TBCK: variants seen among roughly 807,000 people sequenced by gnomAD.
TBCK encodes the protein TBC domain-containing protein kinase-like protein.
A neutral mutation model predicts 113.4 loss-of-function variants in TBCK; 99 were observed. The ratio of observed to expected loss-of-function variants is 0.87; its 90% CI spans 0.74 to 1.03. The LOEUF (loss-of-function observed/expected upper bound fraction) is 1.03. TBCK is among the 50% of genes least tolerant of loss of function. The probability of loss-of-function intolerance (pLI) is 0.00; values close to 1 mark genes in which losing one functional copy is unlikely to be tolerated. For synonymous variants in TBCK, 369 were observed against 370.8 expected (o/e 1.00, Z 0.05); for missense variants, 1,045 against 1,061.3 (o/e 0.98, Z 0.21).
rs941293153 is a variant in TBCK, at chr4:106,088,729, C to T, written c.2571+6753G>A. 4.6e-5 allele frequency among the ~76,000 whole-genome samples: 7 copies of T among 152,096 alleles called. 1 individual carries two copies. The highest frequency in any genetic ancestry group is 6.5e-5 in the Admixed American group (1 of 15,274). On this transcript the variant is annotated intron_variant, in intron 25 of 25. Transcript: ENST00000394708. ...TGGAATAAAACTGGATAAAGAAAACCATGGAATACTATGAAGCCATAAAAA... is the reference window on the plus strand; with the variant it reads ...TGGAATAAAACTGGATAAAGAAAACTATGGAATACTATGAAGCCATAAAAA...
chr4:106,304,617 TA>T (rs1767312783), intron 2 of TBCK, among the ~76,000 whole-genome samples: 1 of 152,182 alleles, frequency 6.6e-6, no homozygotes, highest in African/African-American at 2.4e-5. Context: ...ATATTAATAT[TA>T]CTAACCTCAA....
chr4:106,147,125 A>C (rs866897957), intron 23 of TBCK, among the ~76,000 whole-genome samples: 1 of 152,318 alleles, frequency 6.6e-6, no homozygotes, highest in Middle Eastern at 3.4e-3. Context: ...CACATCTGCA[A>C]TCACTACCTC....
intron 11 of TBCK, among the ~76,000 whole-genome samples, chr4:106,244,043 A>C (rs1760474844): frequency 6.6e-6 from 1 of 152,156 alleles, no homozygotes; most frequent in South Asian, 2.1e-4. Context: ...TCATATTTTT[A>C]TGAATAAACA....
chr4:106,082,738 G>C lies in TBCK; in HGVS notation c.2571+12744C>G, dbSNP rs528793715. 5.9e-4 allele frequency among the ~76,000 whole-genome samples: 90 copies of C among 152,318 alleles called. 3 individuals carry two copies. Among genetic ancestry groups the C allele is most frequent in the Admixed American group, 1.7e-3 (26 of 15,302 alleles). On this transcript the variant is annotated intron_variant, in intron 25 of 25. Coordinates refer to ENST00000394708, the MANE Select transcript of TBCK (RefSeq NM_001163435.3). ...ATAGGAAAGAAACCATAATAAGCCT[G>C]TGAATCCTTCACTGGCAACCAAGGT...
chr4:106,045,038 GA>G lies in TBCK; in HGVS notation c.*1531del, dbSNP rs1384621392. The stretch of plus-strand genomic sequence containing the variant: ...GAGGCATTTTTTTTTTCAGATTTCT[GA>G]AATGGGAATGTATCTTTCTTTTTTT... On this transcript the variant is annotated 3_prime_UTR_variant, in exon 26 of 26. Transcript: ENST00000394708. The G allele has an allele frequency of 1.3e-5, 2 of 149,812 alleles. No homozygotes were observed. The highest frequency in any genetic ancestry group is 3.0e-5 in the Non-Finnish European group (2 of 67,568). 9.3% of individuals were successfully genotyped at this position (149,812 alleles called of 1,614,324 possible). A position where few individuals can be genotyped will look rare whatever the true frequency, so the allele number is the denominator to read the frequency against.
chr4:106,244,592 TA>T, intron 11 of TBCK, 33 bp downstream of exon 11: 6 of 1,486,112 alleles, frequency 4.0e-6, no homozygotes, highest in Non-Finnish European at 4.5e-6. Flanking sequence ...TGTATTTATT[TA>T]TTTAAATTCC....
chr4:106,204,114 C>G (rs1482841773), intron 20 of TBCK, among the ~76,000 whole-genome samples: 5 of 152,076 alleles, frequency 3.3e-5, no homozygotes, highest in Non-Finnish European at 7.4e-5. Flanking sequence ...AAGAACAATA[C>G]CCCTTAACAA....
intron 3 of TBCK, among the ~76,000 whole-genome samples, chr4:106,281,086 C>G (rs1185158513): frequency 6.6e-6 from 1 of 151,890 alleles, no homozygotes; most frequent in Non-Finnish European, 1.5e-5. Flanking sequence ...TTTGTATCCT[C>G]TTTATTTCAT....
At chr4:106,145,153 A>C (rs371910120) in intron 23 of TBCK, among the ~76,000 whole-genome samples, 1 of 152,008 alleles carries the variant, frequency 6.6e-6, no homozygotes, top group East Asian at 1.9e-4. Flanking sequence ...CCTCGTCTCT[A>C]CTAAAAAGAC....
At chr4:106,143,701 G>A (rs1579034066) in intron 23 of TBCK, among the ~76,000 whole-genome samples, 1 of 152,062 alleles carries the variant, frequency 6.6e-6, no homozygotes, top group East Asian at 1.9e-4. Context: ...GACCACCTGA[G>A]GTCAGGAGTT....
rs753822901 is a variant in TBCK, at chr4:106,247,187, T to C, written c.883A>G (p.Arg295Gly). The C allele has an allele frequency of 1.2e-5, 19 of 1,613,394 alleles. 1 individual carries two copies. The South Asian group carries it at 2.1e-4, about 18-fold the overall frequency. The change falls in exon 10 of 26, where the codon AGA becomes GGA. Residue 295 changes from arginine to glycine, a missense_variant. Physicochemically the swap from Arg to Gly is moderately radical, Grantham distance 125. Transcript: ENST00000394708. The part of the protein sequence containing the change: ...KPASLFSSSL[R>G]CADLTLPEDI... Reference sequence around the variant, plus strand: ...TCAGGCAGAGTTAAATCAGCACATCTCAGAGAAGATGAAAACAGACTGGCA... The same window carrying C: ...TCAGGCAGAGTTAAATCAGCACATCCCAGAGAAGATGAAAACAGACTGGCA...
intron 20 of TBCK, among the ~76,000 whole-genome samples, chr4:106,208,353 T>C (rs1281599981): frequency 6.6e-6 from 1 of 152,058 alleles, no homozygotes; most frequent in Non-Finnish European, 1.5e-5. Flanking sequence ...ATTTTACATA[T>C]ACCTACCCTT....
At chr4:106,260,358 T>C in intron 5 of TBCK, 79 bp downstream of exon 5, 1 of 556,300 alleles carries the variant, frequency 1.8e-6, no homozygotes. Context: ...GAATATCAAA[T>C]ATAATTAACA....
intron 23 of TBCK, among the ~76,000 whole-genome samples, chr4:106,134,162 A>G (rs1746292384): frequency 6.6e-6 from 1 of 152,166 alleles, no homozygotes; most frequent in Non-Finnish European, 1.5e-5. Context: ...GACAATGTAT[A>G]AAAGTAAAAC....
chr4:106,297,987 A>G (rs1766491220), intron 2 of TBCK, among the ~76,000 whole-genome samples: 2 of 152,204 alleles, frequency 1.3e-5, no homozygotes, highest in South Asian at 2.1e-4. Flanking sequence ...GTTAGCTTTT[A>G]TTATTACTCA....
At position 106,260,418 on chromosome 4, in the gene TBCK, G is replaced by C. The variant is rs758758978; in HGVS notation, c.455+19C>G. The C allele has an allele frequency of 1.5e-5, 16 of 1,096,056 alleles. No individual in the cohort carries two copies. The highest frequency in any genetic ancestry group is 1.0e-4 in the Admixed American group (3 of 29,052). The allele number at this position is 1,096,056 out of a possible 1,614,324, so 67.9% of individuals were successfully genotyped here. ...CAAAGTTAAAAAGAAACTCAAAATA[G>C]AGGAAAACATATCCTTACCCTATTG... On this transcript the variant is annotated intron_variant, in intron 5 of 25. Coordinates refer to ENST00000394708, the MANE Select transcript of TBCK (RefSeq NM_001163435.3).
intron 25 of TBCK, among the ~76,000 whole-genome samples, chr4:106,048,108 G>A (rs1734416727): frequency 1.3e-5 from 2 of 152,144 alleles, no homozygotes; most frequent in African/African-American, 4.8e-5. Flanking sequence ...TATTGATCTG[G>A]GGCTCAGGGA....
At chr4:106,136,893 AAGAT>A (rs1746625251) in intron 23 of TBCK, among the ~76,000 whole-genome samples, 1 of 141,188 alleles carries the variant, frequency 7.1e-6, no homozygotes, top group African/African-American at 2.5e-5. Flanking sequence ...TAAAGAAAGA[AAGAT>A]AGATGTATGA....
chr4:106,092,168 A>C (rs915220587), intron 25 of TBCK, among the ~76,000 whole-genome samples: 1 of 152,050 alleles, frequency 6.6e-6, no homozygotes, highest in African/African-American at 2.4e-5. Flanking sequence ...CTAGATACAG[A>C]GTGCTGATTG....
Sources: allele counts gnomAD v4.1 joint callset (sites outside exome capture counted in the v4.1 genomes callset), GRCh38; gene constraint gnomAD v4.1.1; transcripts MANE v1.5; gene names NCBI Gene and HGNC (gene_info 2026-07-23, HGNC 2026-07-21).